Variants in PCDH9 observed in about 807,000 individuals in gnomAD.
PCDH9 encodes protocadherin-9.
PCDH9 carries 24 observed loss-of-function variants against 70.6 expected under a neutral mutation model. The observed-to-expected ratio is 0.34, with a 90% CI of 0.25 to 0.48. PCDH9 has a LOEUF of 0.48. PCDH9 is among the 20% of genes least tolerant of loss of function. PCDH9 has a pLI of 0.99. For missense variants in PCDH9, 1,281 were observed against 1,503.6 expected, an observed-to-expected ratio of 0.85 and a Z score of 2.45; for synonymous variants, 562 against 558.5, an observed-to-expected ratio of 1.01 and a Z score of -0.09.
At chr13:66,645,355 G>T (rs1317494659) in intron 3 of PCDH9, among the ~76,000 whole-genome samples, 1 of 151,990 alleles carries the variant, frequency 6.6e-6, no homozygotes. Flanking sequence ...AGTGTTTCTG[G>T]TAAAAGAAGA....
chr13:66,769,294 C>T (rs1372204143), intron 3 of PCDH9, among the ~76,000 whole-genome samples: 1 of 152,050 alleles, frequency 6.6e-6, no homozygotes, highest in Non-Finnish European at 1.5e-5. Context: ...AATTGGGATG[C>T]AACTGAGATA....
intron 2 of PCDH9, among the ~76,000 whole-genome samples, chr13:67,112,283 G>A (rs1343321085): frequency 6.6e-6 from 1 of 152,116 alleles, no homozygotes; most frequent in Non-Finnish European, 1.5e-5. Context: ...CACATTATAT[G>A]TATTTACCTT....
At chr13:67,023,400 T>C (rs1264093797) in intron 2 of PCDH9, among the ~76,000 whole-genome samples, 1 of 152,206 alleles carries the variant, frequency 6.6e-6, no homozygotes, top group East Asian at 1.9e-4. Context: ...AATTCTGTAG[T>C]AAAATTCTGT....
rs1955418550 is a variant in PCDH9, at chr13:66,304,213, GT to G, written c.*441del. The G allele has an allele frequency of 8.5e-6, 1 of 117,232 alleles. No individual in the cohort carries two copies. 7.3% of individuals were successfully genotyped at this position (117,232 alleles called of 1,614,324 possible). ...TTTAATGCTTATCTCTTTAAGTTTTGTTTGCAGTATAATGTCAAGTATAGCA... is the reference window on the plus strand; with the variant it reads ...TTTAATGCTTATCTCTTTAAGTTTTGTTGCAGTATAATGTCAAGTATAGCA... On this transcript the variant is annotated 3_prime_UTR_variant, in exon 5 of 5. Transcript: ENST00000377865.
At chr13:67,141,652 G>A (rs995458067) in intron 2 of PCDH9, among the ~76,000 whole-genome samples, 1 of 151,592 alleles carries the variant, frequency 6.6e-6, no homozygotes, top group Non-Finnish European at 1.5e-5. Context: ...TGTTGGCCAG[G>A]CTGGTCTCAA....
chr13:66,922,030 G>A (rs900732191), intron 2 of PCDH9, among the ~76,000 whole-genome samples: 2 of 151,156 alleles, frequency 1.3e-5, no homozygotes, highest in Non-Finnish European at 3.0e-5. Flanking sequence ...GATGACTTGT[G>A]ACTTAGGTTA....
At chr13:66,552,480 T>G (rs564706900) in intron 4 of PCDH9, among the ~76,000 whole-genome samples, 2 of 152,100 alleles carry the variant, frequency 1.3e-5, no homozygotes, top group South Asian at 4.2e-4. Context: ...TCAGGTTATG[T>G]GAACATAACT....
At chr13:66,789,996 C>T (rs542923908) in intron 3 of PCDH9, among the ~76,000 whole-genome samples, 1 of 152,172 alleles carries the variant, frequency 6.6e-6, no homozygotes, top group Admixed American at 6.5e-5. Flanking sequence ...TCTTCTAATG[C>T]AATATCTGGG....
At chr13:67,211,401 T>C (rs1199671921) in intron 2 of PCDH9, 2 of 152,034 alleles carry the variant, frequency 1.3e-5, no homozygotes, top group Non-Finnish European at 2.9e-5. Flanking sequence ...GCAATAAAGA[T>C]TTATCTCCTA....
intron 4 of PCDH9, among the ~76,000 whole-genome samples, chr13:66,612,217 G>A (rs2077301617): frequency 6.6e-6 from 1 of 152,202 alleles, no homozygotes; most frequent in South Asian, 2.1e-4. Flanking sequence ...ATCTTAAAAT[G>A]TGATGTGCCA....
At chr13:66,806,510 T>C (rs1175380911) in intron 3 of PCDH9, among the ~76,000 whole-genome samples, 1 of 130,270 alleles carries the variant, frequency 7.7e-6, no homozygotes, top group East Asian at 2.2e-4. Flanking sequence ...TATGATTACC[T>C]TTGTCATTGT....
At chr13:66,340,469 A>G (rs1956106873) in intron 4 of PCDH9, among the ~76,000 whole-genome samples, 1 of 152,204 alleles carries the variant, frequency 6.6e-6, no homozygotes, top group Admixed American at 6.6e-5. Flanking sequence ...TAGATTTTTA[A>G]TCGCAAACAA....
chr13:66,995,820 A>C (rs1370186136), intron 2 of PCDH9, among the ~76,000 whole-genome samples: 1 of 152,166 alleles, frequency 6.6e-6, no homozygotes, highest in Non-Finnish European at 1.5e-5. Flanking sequence ...GCTGTCTAAA[A>C]ATCCTCTGAT....
rs1419035261 is a variant in PCDH9 at position 67,228,528 on chromosome 13, A to C, written c.-88T>G. 1 of 1,110,940 alleles carries C rather than the reference A, an allele frequency of 9.0e-7. No homozygotes were observed. Among genetic ancestry groups the C allele is most frequent in the Non-Finnish European group, 1.3e-6 (1 of 782,546 alleles). The allele number at this position is 1,110,940 out of a possible 1,614,324, so 68.8% of individuals were successfully genotyped here. On this transcript the variant is annotated 5_prime_UTR_variant, in exon 2 of 5. The change abolishes an upstream ATG in the 5' untranslated region. Transcript: ENST00000377865. ...GCACAAATTGCAAGAGGAAGCGTGC[A>C]TGGACTGGAGGATGCATTATATCTC...
rs117705456 is a variant in PCDH9, at chr13:66,815,412, C to T, written c.3138+88092G>A. 1.7e-4 allele frequency among the ~76,000 whole-genome samples: 26 copies of T among 152,242 alleles called. No individual in the cohort carries two copies. The East Asian group carries it at 3.9e-3, about 23-fold the overall frequency. ...ATCCCATTATTCAACCCAACAATCCCGTTATTGGGTATACACCCAAAGGAA... is the reference window on the plus strand; with the variant it reads ...ATCCCATTATTCAACCCAACAATCCTGTTATTGGGTATACACCCAAAGGAA... On this transcript the variant is annotated intron_variant, in intron 3 of 4. Transcript: ENST00000377865.
chr13:66,498,218 AC>A (rs1202606721), intron 4 of PCDH9, among the ~76,000 whole-genome samples: 3 of 36,732 alleles, frequency 8.2e-5, no homozygotes, highest in Non-Finnish European at 1.7e-4. Flanking sequence ...ATCTCGGCTC[AC>A]TTGAAAGCTC....
chr13:66,388,870 C>G (rs1021395373), intron 4 of PCDH9, among the ~76,000 whole-genome samples: 2 of 152,134 alleles, frequency 1.3e-5, no homozygotes, highest in Admixed American at 6.5e-5. Context: ...CACAGTAGGT[C>G]CATACATATT....
At chr13:66,863,484 T>A (rs1186988361) in intron 3 of PCDH9, among the ~76,000 whole-genome samples, 2 of 152,092 alleles carry the variant, frequency 1.3e-5, no homozygotes, top group Admixed American at 1.3e-4. Context: ...TTTTTGTTTA[T>A]TTGTTTTGTT....
chr13:66,638,987 C>T (rs564657899), intron 3 of PCDH9, among the ~76,000 whole-genome samples: 1 of 152,168 alleles, frequency 6.6e-6, no homozygotes, highest in Non-Finnish European at 1.5e-5. Context: ...GAAAAATAAG[C>T]AACAACTTCA....
Sources: gnomAD v4.1 joint callset for allele counts (sites outside exome capture counted in the v4.1 genomes callset) on GRCh38, gnomAD v4.1.1 for gene constraint, MANE v1.5 for transcripts, NCBI Gene and HGNC (gene_info 2026-07-23, HGNC 2026-07-21) for gene names.